Variants in USP37 observed in about 807,000 individuals in gnomAD.
USP37 encodes the protein ubiquitin carboxyl-terminal hydrolase 37.
Under a neutral mutation model 124.0 loss-of-function variants are expected in USP37, and 27 were observed. The ratio of observed to expected loss-of-function variants is 0.22; its 90% CI spans 0.16 to 0.30. USP37 has a LOEUF of 0.30. Ranked by LOEUF, USP37 falls within the 10% of genes least tolerant of loss-of-function variation. The probability of loss-of-function intolerance (pLI) is 1.00; values close to 1 mark genes in which losing one functional copy is unlikely to be tolerated. For synonymous variants in USP37, 365 were observed against 388.0 expected (o/e 0.94, Z 0.70); for missense variants, 889 against 1,140.4 (o/e 0.78, Z 3.17).
At chr2:218,509,944 AT>A (rs1339040178) in intron 11 of USP37, 34 bp downstream of exon 11, 1 of 1,499,188 alleles carries the variant, frequency 6.7e-7, no homozygotes, top group Non-Finnish European at 8.9e-7. Context: ...GAATCACTTT[AT>A]AAAAAAGAAA....
chr2:218,462,152 T>A (rs1690045449), intron 22 of USP37, among the ~76,000 whole-genome samples: 1 of 151,654 alleles, frequency 6.6e-6, no homozygotes, highest in Non-Finnish European at 1.5e-5. Context: ...AGTGAAACTC[T>A]GTCTCAAAAA....
chr2:218,504,165 T>C (rs1293103363), intron 11 of USP37, among the ~76,000 whole-genome samples: 1 of 152,104 alleles, frequency 6.6e-6, no homozygotes, highest in African/African-American at 2.4e-5. Flanking sequence ...GAAGGAAAAA[T>C]ATACAGGTTT....
intron 23 of USP37, 40 bp from the exon 24 acceptor site, chr2:218,457,201 T>A (rs1328948905): frequency 9.6e-6 from 15 of 1,568,094 alleles, no homozygotes; most frequent in Non-Finnish European, 1.3e-5. Context: ...AGTCTTCATT[T>A]GAATAAAAGC....
At chr2:218,505,607 T>C (rs1462289270) in intron 11 of USP37, among the ~76,000 whole-genome samples, 3 of 152,144 alleles carry the variant, frequency 2.0e-5, no homozygotes, top group Non-Finnish European at 4.4e-5. Context: ...TTCTTGAAAA[T>C]GATGTTAGTG....
intron 20 of USP37, among the ~76,000 whole-genome samples, chr2:218,468,038 C>T (rs1690456781): frequency 6.7e-6 from 1 of 149,604 alleles, no homozygotes; most frequent in African/African-American, 2.5e-5. Flanking sequence ...CAGGTGTTCA[C>T]CACCACACCT....
At chr2:218,487,739 G>A (rs1233847927) in intron 15 of USP37, among the ~76,000 whole-genome samples, 1 of 151,836 alleles carries the variant, frequency 6.6e-6, no homozygotes, top group Non-Finnish European at 1.5e-5. Flanking sequence ...TTCTAAGATT[G>A]TCTAAATGCT....
chr2:218,540,006 T>C (rs957267019), intron 8 of USP37, among the ~76,000 whole-genome samples: 5 of 151,924 alleles, frequency 3.3e-5, no homozygotes, highest in African/African-American at 1.2e-4. Context: ...TGGGACTCCA[T>C]CTCAAAAAAA....
chr2:218,489,521 GC>G (rs1691796622), intron 14 of USP37, among the ~76,000 whole-genome samples: 1 of 151,372 alleles, frequency 6.6e-6, no homozygotes, highest in African/African-American at 2.4e-5. Context: ...TGCTTTTGTT[GC>G]CCAAGCTGGA....
Position 218,495,839 on chromosome 2 carries a change from T to C in USP37, c.1393A>G (p.Ile465Val), listed in dbSNP as rs746410825. The part of the protein sequence containing the change: ...PVSGEENSPD[I>V]SATRAYTCPV... The stretch of plus-strand genomic sequence containing the variant: ...CAAGTGTATGCTCTGGTAGCTGAAA[T>C]ATCTGGTGAATTTTCTTCTCCAGAA... The change falls in exon 14 of 26, where the codon ATT becomes GTT. Residue 465 changes from isoleucine (I) to valine (V), a missense_variant. Coordinates refer to ENST00000258399, the MANE Select transcript of USP37 (RefSeq NM_020935.3). The C allele has an allele frequency of 3.1e-6, 5 of 1,613,940 alleles. No individual in the cohort carries two copies. Among genetic ancestry groups the C allele is most frequent in the Non-Finnish European group, 4.2e-6 (5 of 1,180,042 alleles).
chr2:218,517,750 T>G (rs1356918690), intron 10 of USP37, among the ~76,000 whole-genome samples: 1 of 152,218 alleles, frequency 6.6e-6, no homozygotes, highest in Non-Finnish European at 1.5e-5. Flanking sequence ...AAGTCTGATT[T>G]TATCACTTTT....
intron 14 of USP37, among the ~76,000 whole-genome samples, chr2:218,490,958 C>T (rs950205439): frequency 2.0e-5 from 3 of 152,180 alleles, no homozygotes; most frequent in Non-Finnish European, 2.9e-5. Flanking sequence ...ACTACAGCCT[C>T]GACCTCCCAG....
At chr2:218,471,158 G>A (rs1241629568) in intron 20 of USP37, among the ~76,000 whole-genome samples, 1 of 152,132 alleles carries the variant, frequency 6.6e-6, no homozygotes, top group Admixed American at 6.5e-5. Flanking sequence ...CACCAGCTTG[G>A]GTGCAGGTAT....
intron 8 of USP37, among the ~76,000 whole-genome samples, chr2:218,543,801 G>A (rs188862037): frequency 6.6e-5 from 10 of 151,814 alleles, no homozygotes; most frequent in Admixed American, 2.0e-4. Context: ...GCGAGACTCC[G>A]TCTCAAAAAA....
intron 14 of USP37, among the ~76,000 whole-genome samples, chr2:218,493,646 T>C (rs1688915194): frequency 6.6e-6 from 1 of 152,164 alleles, no homozygotes; most frequent in Non-Finnish European, 1.5e-5. Flanking sequence ...AATTTTTGTA[T>C]TTTTAATGAA....
Position 218,452,696 on chromosome 2 carries a change from A to T in USP37, c.*2234T>A, listed in dbSNP as rs531016032. 1 of 152,354 alleles carries T rather than the reference A, an allele frequency of 6.6e-6. No individual in the cohort carries two copies. The highest frequency in any genetic ancestry group is 2.1e-4 in the South Asian group (1 of 4,830). The allele number at this position is 152,354 out of a possible 1,614,324, so 9.4% of individuals were successfully genotyped here. On this transcript the variant is annotated 3_prime_UTR_variant, in exon 26 of 26. Transcript: ENST00000258399. ...ACCATACACACATGAAAGCTATGAA[A>T]GCAATTCAAATGAGGCTGCTTCATG...
chr2:218,507,836 T>TTCTGG (rs1364511554), intron 11 of USP37, among the ~76,000 whole-genome samples: 1 of 152,114 alleles, frequency 6.6e-6, no homozygotes, highest in Non-Finnish European at 1.5e-5. Context: ...GAGGCTGTTA[T>TTCTGG]TCTGGTACCA....
intron 10 of USP37, among the ~76,000 whole-genome samples, chr2:218,527,876 A>C (rs746948303): frequency 6.6e-6 from 1 of 152,164 alleles, no homozygotes; most frequent in Non-Finnish European, 1.5e-5. Context: ...AATAACCAAG[A>C]TGTTTTTAAC....
intron 11 of USP37, among the ~76,000 whole-genome samples, chr2:218,499,509 CTTATA>C (rs1391782237): frequency 6.6e-6 from 1 of 152,084 alleles, no homozygotes; most frequent in Non-Finnish European, 1.5e-5. Context: ...TAAGACCATT[CTTATA>C]AATAATCAGA....
intron 10 of USP37, among the ~76,000 whole-genome samples, chr2:218,526,896 C>T (rs1278146038): frequency 1.3e-5 from 2 of 150,198 alleles, no homozygotes; most frequent in Non-Finnish European, 3.0e-5. Context: ...TCACGCCATT[C>T]ACCCGCCTCA....
Sources: allele counts gnomAD v4.1 joint callset (sites outside exome capture counted in the v4.1 genomes callset), GRCh38; gene constraint gnomAD v4.1.1; transcripts MANE v1.5; gene names NCBI Gene and HGNC (gene_info 2026-07-23, HGNC 2026-07-21).